The following MED27 variants were observed in gnomAD, a reference collection of about 807,000 sequenced individuals.
The protein encoded by MED27 is mediator of RNA polymerase II transcription subunit 27.
A neutral mutation model predicts 38.2 loss-of-function variants in MED27; 30 were observed. That is an observed-to-expected ratio of 0.79 (90% CI 0.59 to 1.07). The LOEUF (loss-of-function observed/expected upper bound fraction) is 1.07, where lower values mean the gene tolerates loss of function less well. Ranked by LOEUF, MED27 falls within the 50% of genes least tolerant of loss-of-function variation. The pLI is 0.00. For missense variants in MED27, 289 were observed against 397.5 expected, an observed-to-expected ratio of 0.73 and a Z score of 2.32; for synonymous variants, 122 against 153.5, an observed-to-expected ratio of 0.79 and a Z score of 1.52.
At chr9:131,979,483 CAAAAAA>C (rs36197993) in intron 3 of MED27, among the ~76,000 whole-genome samples, 6 of 127,742 alleles carry the variant, frequency 4.7e-5, no homozygotes, top group Admixed American at 7.8e-5. Flanking sequence ...AAAGCTGTTC[CAAAAAA>C]AAAAAAAAAA....
intron 2 of MED27, among the ~76,000 whole-genome samples, chr9:132,064,408 A>C (rs1451994817): frequency 6.6e-6 from 1 of 152,232 alleles, no homozygotes; most frequent in African/African-American, 2.4e-5. Flanking sequence ...CAGAGTCACC[A>C]ATACATATCT....
intron 2 of MED27, among the ~76,000 whole-genome samples, chr9:132,044,838 AATTT>A (rs2131125914): frequency 6.6e-6 from 1 of 152,380 alleles, no homozygotes; most frequent in Admixed American, 6.5e-5. Context: ...TCAAAAATGA[AATTT>A]ATTTAATTCA....
intron 4 of MED27, among the ~76,000 whole-genome samples, chr9:131,895,033 G>C (rs1164060182): frequency 6.6e-6 from 1 of 152,078 alleles, no homozygotes; most frequent in East Asian, 1.9e-4. Flanking sequence ...GTGATGCGGT[G>C]CAACACAAAA....
At chr9:131,953,534 C>A (rs916267509) in intron 3 of MED27, among the ~76,000 whole-genome samples, 5 of 152,132 alleles carry the variant, frequency 3.3e-5, no homozygotes, top group African/African-American at 9.7e-5. Context: ...ATTGCTCAGT[C>A]ATGGTACCAC....
Position 132,051,233 on chromosome 9 carries a change from A to G in MED27, c.348+26209T>C, listed in dbSNP as rs1375631201. Reference sequence around the variant, plus strand: ...TAGATCAGATTCAAGGTTATCCCTAATAACATTTCGGCCACTCATTTGCAT... The same window carrying G: ...TAGATCAGATTCAAGGTTATCCCTAGTAACATTTCGGCCACTCATTTGCAT... On this transcript the variant is annotated intron_variant, in intron 2 of 7. Transcript: ENST00000292035. The surrounding 1 kb of genome is among the most constrained non-coding windows in gnomAD (Gnocchi z 4.2). Among the ~76,000 whole-genome samples the G allele has an allele frequency of 6.6e-6, 1 of 152,244 alleles. No individual in the cohort carries two copies. The highest frequency in any genetic ancestry group is 2.4e-5 in the African/African-American group (1 of 41,464).
At chr9:131,878,837 C>G (rs1304501489) in intron 6 of MED27, among the ~76,000 whole-genome samples, 1 of 151,868 alleles carries the variant, frequency 6.6e-6, no homozygotes, top group South Asian at 2.1e-4. Context: ...CCCCACCCCG[C>G]CCATTTCTAA....
chr9:131,969,579 C>T (rs753679671), intron 3 of MED27, among the ~76,000 whole-genome samples: 11 of 151,982 alleles, frequency 7.2e-5, no homozygotes, highest in Non-Finnish European at 1.2e-4. Context: ...AGGATAAGCC[C>T]GTTGTGCCCA....
rs1838859254 is a variant in MED27 at position 131,872,684 on chromosome 9, G to A, written c.724-9544C>T. 6.6e-6 allele frequency among the ~76,000 whole-genome samples: 1 copy of A among 152,170 alleles called. No homozygotes were observed. Among genetic ancestry groups the A allele is most frequent in the Non-Finnish European group, 1.5e-5 (1 of 68,024 alleles). ...GGCTGGGGTGGGGCTGGGTGATTCT[G>A]CAGGCCCCTCTAGGTCTAGGTTTTC... On this transcript the variant is annotated intron_variant, in intron 6 of 7. Transcript: ENST00000292035. This position sits in a 1 kb window ranked among gnomAD's most constrained non-coding sequence, Gnocchi z 5.6.
chr9:131,986,908 G>A (rs1831862092), intron 3 of MED27, among the ~76,000 whole-genome samples: 1 of 149,284 alleles, frequency 6.7e-6, no homozygotes, highest in East Asian at 2.0e-4. Context: ...CTGAATGAAT[G>A]AACTGACTTC....
intron 3 of MED27, among the ~76,000 whole-genome samples, chr9:131,948,484 A>AAAAAAC (rs1444103907): frequency 2.3e-5 from 3 of 131,608 alleles, no homozygotes; most frequent in Non-Finnish European, 3.2e-5. Flanking sequence ...CTCCGTCTCA[A>AAAAAAC]AAAAACAAAA....
intron 3 of MED27, among the ~76,000 whole-genome samples, chr9:131,988,437 A>T (rs1317876891): frequency 6.6e-6 from 1 of 152,230 alleles, no homozygotes; most frequent in African/African-American, 2.4e-5. Context: ...CAGCAAGACC[A>T]ACCCCTCCTT....
intron 5 of MED27, among the ~76,000 whole-genome samples, chr9:131,888,667 T>C (rs572744493): frequency 1.3e-5 from 2 of 152,326 alleles, no homozygotes; most frequent in Admixed American, 1.3e-4. Flanking sequence ...GAACCTCTAT[T>C]TAGTAGCTTC....
At chr9:132,018,321 A>C (rs904932257) in intron 2 of MED27, among the ~76,000 whole-genome samples, 1 of 152,232 alleles carries the variant, frequency 6.6e-6, no homozygotes, top group African/African-American at 2.4e-5. Flanking sequence ...ATTAGCTTTA[A>C]TACGCTTCAA....
chr9:132,054,689 C>T (rs1833538764), intron 2 of MED27, among the ~76,000 whole-genome samples: 1 of 152,204 alleles, frequency 6.6e-6, no homozygotes, highest in African/African-American at 2.4e-5. Flanking sequence ...AGATTACAGG[C>T]ATGAGCCATC....
In MED27 at chr9:131,883,532, A is replaced by G. The variant is rs1254920657; in HGVS notation, c.723+526T>C. Among the ~76,000 whole-genome samples the G allele has an allele frequency of 6.6e-6, 1 of 152,186 alleles. No homozygotes were observed. Among genetic ancestry groups the G allele is most frequent in the Non-Finnish European group, 1.5e-5 (1 of 68,012 alleles). ...AAAGATACAGTGTCCCCAGAGCACA[A>G]AGTGGGGAAGGGGCAGGGTGAGGGA... On this transcript the variant is annotated intron_variant, in intron 6 of 7. Coordinates refer to ENST00000292035, the MANE Select transcript of MED27 (RefSeq NM_004269.4). The surrounding 1 kb of genome is among the most constrained non-coding windows in gnomAD (Gnocchi z 4.2).
chr9:131,926,227 C>T (rs184923432), intron 4 of MED27, among the ~76,000 whole-genome samples: 52 of 152,354 alleles, frequency 3.4e-4, no homozygotes, highest in African/African-American at 1.2e-3. Flanking sequence ...CCGAACAGTG[C>T]CTAGAACTAT....
chr9:131,925,477 C>T (rs997855681), intron 4 of MED27, among the ~76,000 whole-genome samples: 2 of 151,984 alleles, frequency 1.3e-5, no homozygotes, highest in Non-Finnish European at 2.9e-5. Context: ...ATCGAATGAC[C>T]ATTGATTGAA....
intron 3 of MED27, among the ~76,000 whole-genome samples, chr9:131,947,508 A>C (rs1309325995): frequency 6.6e-6 from 1 of 152,244 alleles, no homozygotes; most frequent in Non-Finnish European, 1.5e-5. Context: ...TACAATACTA[A>C]AATGATCACA....
chr9:132,032,239 G>A (rs1301007511), intron 2 of MED27: 3 of 152,260 alleles, frequency 2.0e-5, no homozygotes, highest in South Asian at 2.1e-4. Context: ...AAATTAGACA[G>A]GCAAGGCATT....
Sources: allele counts gnomAD v4.1 joint callset (sites outside exome capture counted in the v4.1 genomes callset), GRCh38; gene constraint gnomAD v4.1.1; non-coding constraint Gnocchi (gnomAD v3.1); transcripts MANE v1.5; gene names NCBI Gene and HGNC (gene_info 2026-07-23, HGNC 2026-07-21).